TGFBR2: variants seen among roughly 807,000 people sequenced by gnomAD.
TGFBR2 encodes transforming growth factor beta receptor 2.
A neutral mutation model predicts 49.0 loss-of-function variants in TGFBR2; 18 were observed. That is an observed-to-expected ratio of 0.37 (90% CI 0.25 to 0.54). TGFBR2 has a LOEUF of 0.54. TGFBR2 is among the 20% of genes least tolerant of loss of function. The pLI, the probability that TGFBR2 is intolerant of heterozygous loss-of-function variation, is 0.85. For missense variants in TGFBR2, 525 were observed against 722.6 expected (o/e 0.73, Z 3.13); for synonymous variants, 282 against 275.9 (o/e 1.02, Z -0.22).
At chr3:30,623,157 A>C (rs1292967578) in intron 1 of TGFBR2, 12 of 1,108,068 alleles carry the variant, frequency 1.1e-5, no homozygotes, top group Non-Finnish European at 1.6e-5. Flanking sequence ...TGTAATTTTA[A>C]AAACAGCTCT....
intron 5 of TGFBR2, among the ~76,000 whole-genome samples, chr3:30,675,604 A>T (rs541989896): frequency 8.5e-5 from 13 of 152,192 alleles, no homozygotes; most frequent in African/African-American, 3.1e-4. Flanking sequence ...TCAGGCTGAT[A>T]TCGAACTCTT....
In TGFBR2 at chr3:30,620,982, G is replaced by A. The variant is rs114565899; in HGVS notation, c.94+14005G>A. 7.5e-3 allele frequency among the ~76,000 whole-genome samples: 1,137 copies of A among 152,294 alleles called. 9 individuals carry two copies. The highest frequency in any genetic ancestry group is 0.013 in the Non-Finnish European group (906 of 68,028). ...GCCTTTCTTACCTGGGTGCTTAATA[G>A]GAGTGGGTTTCTAAGGATGGTCTTG... On this transcript the variant is annotated intron_variant, in intron 1 of 6. Transcript: ENST00000295754.
At chr3:30,673,151 C>T (rs2125437864) in intron 4 of TGFBR2, among the ~76,000 whole-genome samples, 1 of 152,326 alleles carries the variant, frequency 6.6e-6, no homozygotes, top group Non-Finnish European at 1.5e-5. Flanking sequence ...GGTTACTGCT[C>T]AGTCAGCCCT....
Position 30,693,705 on chromosome 3 carries a change from G to C in TGFBR2, c.*2106G>C, listed in dbSNP as rs1699750755. 4.3e-6 allele frequency: 1 copy of C among 233,582 alleles called. No homozygotes were observed. The highest frequency in any genetic ancestry group is 8.5e-6 in the Non-Finnish European group (1 of 117,998). The allele number at this position is 233,582 out of a possible 1,614,324, so 14.5% of individuals were successfully genotyped here. On this transcript the variant is annotated 3_prime_UTR_variant, in exon 7 of 7. Coordinates refer to ENST00000295754, the MANE Select transcript of TGFBR2 (RefSeq NM_003242.6). ...ACCATCCCAATAGCTGTTGCCCATT[G>C]ACCTCTAGTGGTGAGTTTCTAGAAT...
chr3:30,651,284 A>G (rs1698879869), intron 3 of TGFBR2, among the ~76,000 whole-genome samples: 1 of 152,208 alleles, frequency 6.6e-6, no homozygotes, highest in Non-Finnish European at 1.5e-5. Flanking sequence ...CCAATGCAAC[A>G]GATCATCTGT....
Position 30,671,956 on chromosome 3 carries a change from T to C in TGFBR2, c.773T>C (p.Val258Ala), listed in dbSNP as rs869025536. 6.2e-7 allele frequency: 1 copy of C among 1,613,968 alleles called. No homozygotes were observed. Among genetic ancestry groups the C allele is most frequent in the South Asian group, 1.1e-5 (1 of 91,078 alleles). ...TLVGKGRFAE[V>A]YKAKLKQNTS... is the part of the protein sequence containing the mutation. ...GTGGGGAAAGGTCGCTTTGCTGAGG[T>C]CTATAAGGCCAAGCTGAAGCAGAAC... Residue 258 changes from valine to alanine, a missense_variant, in exon 4 of 7, where the codon GTC becomes GCC. Around this residue, in one of 3 missense-constraint regions of TGFBR2, gnomAD observed 376 missense variants for 478.2 expected, o/e 0.79. Coordinates refer to ENST00000295754, the MANE Select transcript of TGFBR2 (RefSeq NM_003242.6).
intron 3 of TGFBR2, among the ~76,000 whole-genome samples, chr3:30,668,466 T>A (rs901402446): frequency 2.0e-5 from 3 of 152,198 alleles, no homozygotes; most frequent in Admixed American, 1.3e-4. Context: ...TAAGCCTAAG[T>A]GGAAATGCCG....
chr3:30,628,586 G>C (rs905241461), intron 1 of TGFBR2, among the ~76,000 whole-genome samples: 1 of 117,978 alleles, frequency 8.5e-6, no homozygotes, highest in South Asian at 2.8e-4. Flanking sequence ...CTTTAGGCTT[G>C]TGTGGGCTTT....
At chr3:30,664,809 TA>T (rs1699215853) in intron 3 of TGFBR2, among the ~76,000 whole-genome samples, 1 of 152,214 alleles carries the variant, frequency 6.6e-6, no homozygotes, top group Non-Finnish European at 1.5e-5. Flanking sequence ...GTTAAAAAAA[TA>T]AAAGCATTAA....
At chr3:30,657,254 A>G (rs1699020399) in intron 3 of TGFBR2, among the ~76,000 whole-genome samples, 1 of 152,168 alleles carries the variant, frequency 6.6e-6, no homozygotes, top group Non-Finnish European at 1.5e-5. Flanking sequence ...AGGCTGCACA[A>G]CTTACATAAG....
At chr3:30,621,839 G>A (rs945880967) in intron 1 of TGFBR2, among the ~76,000 whole-genome samples, 1 of 152,144 alleles carries the variant, frequency 6.6e-6, no homozygotes, top group Non-Finnish European at 1.5e-5. Flanking sequence ...GATGCCTGTG[G>A]TGTCTTCAGG....
At chr3:30,640,268 A>G (rs1433150978) in intron 1 of TGFBR2, among the ~76,000 whole-genome samples, 1 of 152,212 alleles carries the variant, frequency 6.6e-6, no homozygotes, top group Non-Finnish European at 1.5e-5. Context: ...TCTAGGTGAC[A>G]GATATTCTTA....
intron 5 of TGFBR2, among the ~76,000 whole-genome samples, chr3:30,683,529 C>T (rs1367357080): frequency 6.6e-6 from 1 of 152,192 alleles, no homozygotes; most frequent in Non-Finnish European, 1.5e-5. Context: ...AAATTTTAAT[C>T]ACTTTTAATC....
intron 3 of TGFBR2, among the ~76,000 whole-genome samples, chr3:30,665,464 C>T (rs1699225783): frequency 6.6e-6 from 1 of 152,090 alleles, no homozygotes. Context: ...ATAAATTGTC[C>T]GGTGCCTAAC....
At chr3:30,618,349 C>T (rs975015163) in intron 1 of TGFBR2, among the ~76,000 whole-genome samples, 1 of 151,930 alleles carries the variant, frequency 6.6e-6, no homozygotes. Context: ...CCTGCTTCAG[C>T]CTCCTGAGTA....
chr3:30,644,597 C>T lies in TGFBR2; in HGVS notation c.95-150C>T. ...TACAAATTGCATACACCAGATAATT[C>T]TAATCTGATGTGAAGGAATTATTTT... On this transcript the variant is annotated intron_variant, in intron 1 of 6. Coordinates refer to ENST00000295754, the MANE Select transcript of TGFBR2 (RefSeq NM_003242.6). 3.9e-6 allele frequency: 3 copies of T among 762,694 alleles called. No individual in the cohort carries two copies. In the South Asian group the frequency reaches 4.6e-5, roughly 12 times the overall value. 47.2% of individuals were successfully genotyped at this position (762,694 alleles called of 1,614,324 possible).
At chr3:30,643,770 T>C (rs1023931008) in intron 1 of TGFBR2, among the ~76,000 whole-genome samples, 7 of 152,194 alleles carry the variant, frequency 4.6e-5, no homozygotes, top group Non-Finnish European at 1.0e-4. Flanking sequence ...TTTTTGTGGA[T>C]AGATTATTAG....
Position 30,672,812 on chromosome 3 carries a change from G to A in TGFBR2, c.1254+375G>A, listed in dbSNP as rs1303480159. Among the ~76,000 whole-genome samples, 1 of 152,114 alleles carries A rather than the reference G, an allele frequency of 6.6e-6. No homozygotes were observed. Among genetic ancestry groups the A allele is most frequent in the Non-Finnish European group, 1.5e-5 (1 of 68,020 alleles). On this transcript the variant is annotated intron_variant, in intron 4 of 6. Coordinates refer to ENST00000295754, the MANE Select transcript of TGFBR2 (RefSeq NM_003242.6). The surrounding 1 kb of genome is among the most constrained non-coding windows in gnomAD (Gnocchi z 4.5). ...TTTCTGCTCTATACTAGCTGTAGTT[G>A]TGTTGGTTTCTTTGTATTAAAAGCA...
At position 30,641,106 on chromosome 3, in the gene TGFBR2, T is replaced by C. The variant is rs138719340; in HGVS notation, c.95-3641T>C. 2.1e-3 allele frequency among the ~76,000 whole-genome samples: 313 copies of C among 152,236 alleles called. 3 individuals carry two copies. The highest frequency in any genetic ancestry group is 7.3e-3 in the African/African-American group (303 of 41,528). On this transcript the variant is annotated intron_variant, in intron 1 of 6. Transcript: ENST00000295754. ...CTGACCAGCAGTATACCACTTAGCA[T>C]GTTATTAGTGACTCTTGAGGATTCC...
Sources: gnomAD v4.1 joint callset for allele counts (sites outside exome capture counted in the v4.1 genomes callset) on GRCh38, gnomAD v4.1.1 for gene constraint, gnomAD v4.1.1 regional missense constraint, Gnocchi (gnomAD v3.1) non-coding constraint, MANE v1.5 for transcripts, NCBI Gene and HGNC (gene_info 2026-07-23, HGNC 2026-07-21) for gene names.